The following FLRT1 variants were observed in gnomAD, a reference collection of about 807,000 sequenced individuals.
FLRT1 encodes the protein leucine-rich repeat transmembrane protein FLRT1.
Under a neutral mutation model 30.9 loss-of-function variants are expected in FLRT1, and 14 were observed. The observed-to-expected ratio is 0.45, with a 90% CI of 0.30 to 0.71. The LOEUF is 0.71. FLRT1 is among the 30% of genes least tolerant of loss of function. The probability of loss-of-function intolerance (pLI) is 0.08; values close to 1 mark genes in which losing one functional copy is unlikely to be tolerated. For synonymous variants in FLRT1, 368 were observed against 430.4 expected, an observed-to-expected ratio of 0.85 and a Z score of 1.80; for missense variants, 737 against 949.2, an observed-to-expected ratio of 0.78 and a Z score of 2.94.
At chr11:64,073,790 C>T (rs920020085) in intron 1 of FLRT1, among the ~76,000 whole-genome samples, 1 of 152,216 alleles carries the variant, frequency 6.6e-6, no homozygotes, top group African/African-American at 2.4e-5. Flanking sequence ...ACTGAGAAAC[C>T]CAGCAGCCGC....
At chr11:64,045,349 T>G (rs1943564171) in intron 1 of FLRT1, among the ~76,000 whole-genome samples, 1 of 151,834 alleles carries the variant, frequency 6.6e-6, no homozygotes, top group Admixed American at 6.6e-5. Context: ...TTTTTCATTG[T>G]TCCCCGAGTT....
At chr11:64,076,571 A>G (rs1025001163) in intron 1 of FLRT1, among the ~76,000 whole-genome samples, 1 of 152,134 alleles carries the variant, frequency 6.6e-6, no homozygotes, top group Non-Finnish European at 1.5e-5. Flanking sequence ...CGGCCAGAGA[A>G]CTTAGTCATC....
intron 1 of FLRT1, among the ~76,000 whole-genome samples, chr11:64,091,521 A>C (rs937579838): frequency 2.0e-5 from 3 of 151,980 alleles, no homozygotes; most frequent in African/African-American, 7.3e-5. Context: ...GGTGGGTTAC[A>C]ACAGTAGCTG....
Position 64,117,527 on chromosome 11 carries a change from C to T in FLRT1, c.1260C>T (p.Arg420=). 1 of 1,603,700 alleles carries T rather than the reference C, an allele frequency of 6.2e-7. No individual in the cohort carries two copies. The highest frequency in any genetic ancestry group is 8.5e-7 in the Non-Finnish European group (1 of 1,173,406). Residue 420 remains arginine (R), a synonymous_variant, in exon 3 of 3, where the codon CGC becomes CGT. Coordinates refer to ENST00000682287, the MANE Select transcript of FLRT1 (RefSeq NM_013280.5). ...TCAAGGCCAAAAGGCCAGGGCTGCG[C>T]CTCCCCGACTCCAACATTGACTACC... ...FTLKAKRPGL[R]LPDSNIDYPM...
At chr11:64,065,176 G>A (rs1283253986) in intron 1 of FLRT1, among the ~76,000 whole-genome samples, 1 of 152,198 alleles carries the variant, frequency 6.6e-6, no homozygotes, top group Non-Finnish European at 1.5e-5. Flanking sequence ...ACGGGTGCAG[G>A]ACAGAGTTTC....
intron 1 of FLRT1, among the ~76,000 whole-genome samples, chr11:64,037,476 AG>A (rs1174871977): frequency 1.3e-5 from 2 of 152,342 alleles, no homozygotes; most frequent in Non-Finnish European, 2.9e-5. Flanking sequence ...GCGACTGTTC[AG>A]GGCTTCCTCA....
intron 1 of FLRT1, among the ~76,000 whole-genome samples, chr11:64,050,671 T>A (rs1481114929): frequency 6.6e-6 from 1 of 152,168 alleles, no homozygotes; most frequent in Non-Finnish European, 1.5e-5. Flanking sequence ...CAGGCTGGAG[T>A]GCAGTGGCGC....
chr11:64,102,124 G>A (rs641811), intron 1 of FLRT1, among the ~76,000 whole-genome samples: 41,676 of 152,132 alleles, frequency 0.27, 6,476 homozygotes, highest in African/African-American at 0.43. Flanking sequence ...AGATGCAGCT[G>A]AGCCCATCTG....
intron 1 of FLRT1, among the ~76,000 whole-genome samples, chr11:64,063,071 T>C (rs72918411): frequency 6.6e-6 from 1 of 152,250 alleles, no homozygotes; most frequent in Non-Finnish European, 1.5e-5. Flanking sequence ...TGACAGTCGT[T>C]CTAGTTTAGT....
chr11:64,043,962 C>T (rs1943537200), intron 1 of FLRT1, among the ~76,000 whole-genome samples: 1 of 151,974 alleles, frequency 6.6e-6, no homozygotes, highest in South Asian at 2.1e-4. Context: ...TACAGGTGCC[C>T]GCCACCACGC....
intron 1 of FLRT1, among the ~76,000 whole-genome samples, chr11:64,094,698 T>TCAGGGAGGCTGAC (rs1251612776): frequency 6.6e-6 from 1 of 152,158 alleles, no homozygotes; most frequent in East Asian, 1.9e-4. Flanking sequence ...GAAAAGTGGT[T>TCAGGGAGGCTGAC]CAGGGAGGCT....
At position 64,073,592 on chromosome 11, in the gene FLRT1, C is replaced by T. The variant is rs185088782; in HGVS notation, c.-1037-29602C>T. Among the ~76,000 whole-genome samples the T allele has an allele frequency of 2.8e-3, 434 of 152,350 alleles. 2 individuals carry two copies. Among genetic ancestry groups the T allele is most frequent in the African/African-American group, 0.01 (417 of 41,582 alleles). ...TGCCGTGCTGAGGCCACTGGCCTGG[C>T]CCAGGTACGGCAGGTGCAGGCCAGA... On this transcript the variant is annotated intron_variant, in intron 1 of 2. Coordinates refer to ENST00000682287, the MANE Select transcript of FLRT1 (RefSeq NM_013280.5).
intron 2 of FLRT1, among the ~76,000 whole-genome samples, chr11:64,111,501 C>G (rs1243136743): frequency 4.6e-5 from 7 of 152,228 alleles, no homozygotes; most frequent in Admixed American, 1.3e-4. Flanking sequence ...ACGAGCCTGG[C>G]TCAGTGCAGA....
At chr11:64,099,405 G>C (rs543905478) in intron 1 of FLRT1, among the ~76,000 whole-genome samples, 1 of 152,372 alleles carries the variant, frequency 6.6e-6, no homozygotes, top group Non-Finnish European at 1.5e-5. Flanking sequence ...ATTAGACTCA[G>C]AATATGTTTG....
At chr11:64,053,437 T>C (rs1943729692) in intron 1 of FLRT1, among the ~76,000 whole-genome samples, 1 of 152,116 alleles carries the variant, frequency 6.6e-6, no homozygotes, top group Non-Finnish European at 1.5e-5. Flanking sequence ...CCAGGGGCAC[T>C]GAGGTGCAGG....
chr11:64,079,469 G>A (rs1481958064), intron 1 of FLRT1, among the ~76,000 whole-genome samples: 8 of 152,188 alleles, frequency 5.3e-5, no homozygotes, highest in East Asian at 1.9e-4. Context: ...AGCCGGGCAC[G>A]CAGGGGCAGG....
At chr11:64,075,790 A>C (rs922012491) in intron 1 of FLRT1, among the ~76,000 whole-genome samples, 27 of 152,226 alleles carry the variant, frequency 1.8e-4, no homozygotes, top group Non-Finnish European at 2.9e-5. Flanking sequence ...CTCCTGCCTC[A>C]GCCTCCCAAG....
At position 64,117,986 on chromosome 11, in the gene FLRT1, C is replaced by T. The variant is rs372121350; in HGVS notation, c.1719C>T (p.Ile573=). The change falls in exon 3 of 3, where the codon ATC becomes ATT. Residue 573 remains isoleucine, a synonymous_variant. Transcript: ENST00000682287. ...TCCTCTTCCTGGTCCTGGGGGCCAT[C>T]TGCTGGTACGTGCACCAGGCTGGCG... ...LVFLFLVLGA[I]CWYVHQAGEL... is the part of the protein sequence containing the mutation. 176 of 1,613,718 alleles carry T rather than the reference C, an allele frequency of 1.1e-4. No individual in the cohort carries two copies. The highest frequency in any genetic ancestry group is 1.4e-4 in the Non-Finnish European group (165 of 1,180,024).
intron 2 of FLRT1, among the ~76,000 whole-genome samples, chr11:64,113,486 A>C (rs965293031): frequency 2.0e-5 from 3 of 149,008 alleles, no homozygotes; most frequent in Non-Finnish European, 4.4e-5. Flanking sequence ...ATATGGATGG[A>C]TGGATGGATG....
Sources: allele counts gnomAD v4.1 joint callset (sites outside exome capture counted in the v4.1 genomes callset), GRCh38; gene constraint gnomAD v4.1.1; transcripts MANE v1.5; gene names NCBI Gene and HGNC (gene_info 2026-07-23, HGNC 2026-07-21).